The following NCKAP5 variants were observed in gnomAD, a reference collection of about 807,000 sequenced individuals.
The protein encoded by NCKAP5 is nck-associated protein 5.
Under a neutral mutation model 167.0 loss-of-function variants are expected in NCKAP5, and 92 were observed. That is an observed-to-expected ratio of 0.55 (90% CI 0.47 to 0.66). The LOEUF is 0.66. Ranked by LOEUF, NCKAP5 falls within the 30% of genes least tolerant of loss-of-function variation. The pLI is 0.00. For synonymous variants in NCKAP5, 891 were observed against 877.4 expected (o/e 1.02, Z -0.27); for missense variants, 2,378 against 2,315.0 (o/e 1.03, Z -0.56).
At chr2:132,852,281 T>C (rs1379193120) in intron 11 of NCKAP5, among the ~76,000 whole-genome samples, 1 of 152,244 alleles carries the variant, frequency 6.6e-6, no homozygotes, top group Non-Finnish European at 1.5e-5. Context: ...GAATGTTTCA[T>C]GCTACAGGGT....
rs146958294 is a variant in NCKAP5, at chr2:133,540,888, T to C, written c.-62+18162A>G. On this transcript the variant is annotated intron_variant, in intron 2 of 19. Coordinates refer to ENST00000409261, the MANE Select transcript of NCKAP5 (RefSeq NM_207363.3). Reference sequence around the variant, plus strand: ...GAGGTGGAGGTGCAGCAAGCCGAGATTGGCTACTGCACTCCAGCCTGGGTG... The same window carrying C: ...GAGGTGGAGGTGCAGCAAGCCGAGACTGGCTACTGCACTCCAGCCTGGGTG... Among the ~76,000 whole-genome samples the C allele has an allele frequency of 1.4e-3, 206 of 146,802 alleles. 1 individual carries two copies. The highest frequency in any genetic ancestry group is 4.3e-3 in the African/African-American group (169 of 39,626).
chr2:133,309,226 A>C (rs1199730933), intron 3 of NCKAP5, among the ~76,000 whole-genome samples: 1 of 152,158 alleles, frequency 6.6e-6, no homozygotes. Flanking sequence ...ATAGTTTTAC[A>C]AAACTATATG....
intron 3 of NCKAP5, among the ~76,000 whole-genome samples, chr2:133,446,792 C>G (rs1233189604): frequency 6.6e-6 from 1 of 151,646 alleles, no homozygotes; most frequent in Non-Finnish European, 1.5e-5. Context: ...GATGAGACAA[C>G]CATGGGAGAG....
At chr2:132,727,206 C>A (rs1032928000) in intron 18 of NCKAP5, among the ~76,000 whole-genome samples, 3 of 152,168 alleles carry the variant, frequency 2.0e-5, no homozygotes, top group African/African-American at 7.2e-5. Flanking sequence ...TCTGGGTCAG[C>A]AAGAGTAACT....
chr2:133,249,832 T>C (rs2088210243), intron 4 of NCKAP5, among the ~76,000 whole-genome samples: 1 of 152,064 alleles, frequency 6.6e-6, no homozygotes, highest in Non-Finnish European at 1.5e-5. Flanking sequence ...GGCCCTAACC[T>C]AGTCTTTGGA....
rs978856430 is a variant in NCKAP5 at position 133,235,828 on chromosome 2, C to T, written c.144-22049G>A. 7.3e-5 allele frequency among the ~76,000 whole-genome samples: 11 copies of T among 150,936 alleles called. No individual in the cohort carries two copies. The East Asian group carries it at 1.8e-3, about 24-fold the overall frequency. On this transcript the variant is annotated intron_variant, in intron 4 of 19. Transcript: ENST00000409261. ...CTGAGGCAGGAGAATCACTTGGACC[C>T]GGGAGGCAGATGTTGCAGTGAGCCG...
chr2:133,073,401 A>G (rs1420644814), intron 6 of NCKAP5, among the ~76,000 whole-genome samples: 1 of 152,204 alleles, frequency 6.6e-6, no homozygotes, highest in African/African-American at 2.4e-5. Flanking sequence ...CATGTTTAGA[A>G]GTGACCTGAA....
chr2:133,203,028 T>C (rs1459747049), intron 5 of NCKAP5, among the ~76,000 whole-genome samples: 1 of 152,148 alleles, frequency 6.6e-6, no homozygotes, highest in African/African-American at 2.4e-5. Flanking sequence ...GACCCAGCCA[T>C]CCCATTTCTG....
Position 133,442,161 on chromosome 2 carries a change from G to A in NCKAP5, c.69+75297C>T, listed in dbSNP as rs913464701. 2.6e-5 allele frequency among the ~76,000 whole-genome samples: 4 copies of A among 152,270 alleles called. No homozygotes were observed. In the South Asian group the frequency reaches 6.2e-4, roughly 24 times the overall value. On this transcript the variant is annotated intron_variant, in intron 3 of 19. Coordinates refer to ENST00000409261, the MANE Select transcript of NCKAP5 (RefSeq NM_207363.3). ...AGGATGTTCTGAAAGGGCATCACACGTGAGCTCTGTTCAGTGGTTATAAGA... is the reference window on the plus strand; with the variant it reads ...AGGATGTTCTGAAAGGGCATCACACATGAGCTCTGTTCAGTGGTTATAAGA...
intron 6 of NCKAP5, among the ~76,000 whole-genome samples, chr2:133,081,502 C>A (rs977236029): frequency 1.3e-5 from 2 of 152,160 alleles, no homozygotes; most frequent in Non-Finnish European, 2.9e-5. Context: ...TGCATCCAAG[C>A]TAACAAATGC....
intron 19 of NCKAP5, among the ~76,000 whole-genome samples, chr2:132,690,112 T>C (rs1346532053): frequency 1.3e-5 from 2 of 152,094 alleles, no homozygotes; most frequent in Non-Finnish European, 2.9e-5. Flanking sequence ...ATAACATTGA[T>C]GAGAAAAAAA....
intron 13 of NCKAP5, among the ~76,000 whole-genome samples, 198 bp from the exon 14 acceptor site, chr2:132,785,916 G>A (rs1683527356): frequency 6.6e-6 from 1 of 152,254 alleles, no homozygotes; most frequent in African/African-American, 2.4e-5. Flanking sequence ...GTGCTAAGAA[G>A]CACAGCGATC....
intron 11 of NCKAP5, among the ~76,000 whole-genome samples, chr2:132,826,898 G>A (rs1374740): frequency 0.17 from 26,007 of 152,204 alleles, 2,622 homozygotes; most frequent in East Asian, 0.29. Flanking sequence ...AGCATCTGCA[G>A]TGCGATGGGT....
chr2:133,248,773 T>C (rs2088140846), intron 4 of NCKAP5, among the ~76,000 whole-genome samples: 1 of 152,198 alleles, frequency 6.6e-6, no homozygotes, highest in African/African-American at 2.4e-5. Context: ...CCAGAGCACA[T>C]GTCTAACCCT....
intron 13 of NCKAP5, among the ~76,000 whole-genome samples, chr2:132,786,142 C>G (rs749497199): frequency 6.6e-5 from 10 of 152,160 alleles, no homozygotes; most frequent in Non-Finnish European, 1.0e-4. Context: ...ACTTACCTAG[C>G]TCTTGAAAGA....
At chr2:133,642,266 A>AC in the NCKAP5 span, among the ~76,000 whole-genome samples, 5 of 151,598 alleles carry the variant, frequency 3.3e-5, no homozygotes, top group Admixed American at 3.3e-4. Flanking sequence ...TGACACAAAC[A>AC]CCCCCCAGTA....
chr2:133,285,164 C>T (rs72987629), intron 4 of NCKAP5, among the ~76,000 whole-genome samples: 4,538 of 152,308 alleles, frequency 0.03, 188 homozygotes, highest in African/African-American at 0.091. Context: ...CCAATCTCAG[C>T]TCATGCTTTC....
At chr2:133,317,363 T>C (rs945308288) in intron 3 of NCKAP5, among the ~76,000 whole-genome samples, 4 of 152,066 alleles carry the variant, frequency 2.6e-5, no homozygotes, top group African/African-American at 7.2e-5. Context: ...TATTTAAGTA[T>C]GGTATTCCAT....
intron 6 of NCKAP5, among the ~76,000 whole-genome samples, chr2:133,074,386 G>A (rs575268911): frequency 6.6e-6 from 1 of 151,934 alleles, no homozygotes; most frequent in South Asian, 2.1e-4. Flanking sequence ...TTGAGACAGG[G>A]TCTCACTCTG....
Sources: gnomAD v4.1 joint callset for allele counts (sites outside exome capture counted in the v4.1 genomes callset) on GRCh38, gnomAD v4.1.1 for gene constraint, MANE v1.5 for transcripts, NCBI Gene and HGNC (gene_info 2026-07-23, HGNC 2026-07-21) for gene names.